The following ATP13A4 variants were observed in gnomAD, a reference collection of about 807,000 sequenced individuals.
The protein encoded by ATP13A4 is probable cation-transporting ATPase 13A4.
ATP13A4 carries 114 observed loss-of-function variants against 142.5 expected under a neutral mutation model. The observed-to-expected ratio is 0.80, with a 90% CI of 0.69 to 0.93. The LOEUF (loss-of-function observed/expected upper bound fraction) is 0.93, where lower values mean the gene tolerates loss of function less well. Among genes scored for constraint, ATP13A4 ranks in the 40% least tolerant of loss-of-function variants. The pLI is 0.00. For synonymous variants in ATP13A4, 488 were observed against 514.8 expected (o/e 0.95, Z 0.70); for missense variants, 1,392 against 1,454.0 (o/e 0.96, Z 0.69).
intron 1 of ATP13A4, among the ~76,000 whole-genome samples, chr3:193,587,422 C>G (rs1167035895): frequency 1.3e-5 from 2 of 152,170 alleles, no homozygotes; most frequent in Admixed American, 6.6e-5. Flanking sequence ...AAATCTCCCT[C>G]TCATAAGAAT....
chr3:193,504,338 G>A (rs911479363), intron 2 of ATP13A4, among the ~76,000 whole-genome samples: 16 of 152,134 alleles, frequency 1.1e-4, no homozygotes, highest in African/African-American at 3.9e-4. Flanking sequence ...CCTTGACACA[G>A]TTCAGCATTA....
At position 193,465,208 on chromosome 3, in the gene ATP13A4, G is replaced by A. The variant is rs1718198853; in HGVS notation, c.1273-80C>T. ...TGACTCTTTGCCTTTTTTTTTTGAG[G>A]CGGAGTTTTGCTCTTGTCGCCCAGG... On this transcript the variant is annotated intron_variant, in intron 11 of 29. Transcript: ENST00000342695. 7 of 1,435,254 alleles carry A rather than the reference G, an allele frequency of 4.9e-6. No homozygotes were observed. The South Asian group carries it at 8.6e-5, about 18-fold the overall frequency. The allele number at this position is 1,435,254 out of a possible 1,614,324, so 88.9% of individuals were successfully genotyped here.
At chr3:193,412,448 T>C (rs1242522417) in intron 26 of ATP13A4, 77 bp from the exon 27 acceptor site, 2 of 1,384,256 alleles carry the variant, frequency 1.4e-6, no homozygotes, top group African/African-American at 1.4e-5. Flanking sequence ...GAAGATTCCA[T>C]ACCAAACAGT....
chr3:193,546,727 CA>C (rs1304783272), intron 1 of ATP13A4, among the ~76,000 whole-genome samples: 1 of 152,174 alleles, frequency 6.6e-6, no homozygotes, highest in Non-Finnish European at 1.5e-5. Context: ...TTAACAAAAA[CA>C]AGAGGCAACA....
intron 1 of ATP13A4, among the ~76,000 whole-genome samples, chr3:193,522,253 C>G (rs767189117): frequency 1.3e-5 from 2 of 152,204 alleles, no homozygotes; most frequent in Non-Finnish European, 2.9e-5. Context: ...ACTTATCCCA[C>G]CTATCAGCTG....
chr3:193,566,318 T>C (rs996606279), intron 2 of ATP13A4, among the ~76,000 whole-genome samples: 2 of 152,162 alleles, frequency 1.3e-5, no homozygotes, highest in African/African-American at 4.8e-5. Context: ...TTAGCCCCTA[T>C]GATAGAACAG....
chr3:193,584,067 C>G (rs974701180), intron 1 of ATP13A4, among the ~76,000 whole-genome samples: 2 of 152,152 alleles, frequency 1.3e-5, no homozygotes, highest in African/African-American at 4.8e-5. Context: ...ACTGGAGCTG[C>G]GTAGTACACA....
intron 17 of ATP13A4, among the ~76,000 whole-genome samples, chr3:193,451,779 G>A (rs1717294534): frequency 6.6e-6 from 1 of 152,134 alleles, no homozygotes; most frequent in Non-Finnish European, 1.5e-5. Flanking sequence ...AATGCTGGAA[G>A]CACCCTGAGT....
chr3:193,584,313 A>C (rs997219111), intron 1 of ATP13A4, among the ~76,000 whole-genome samples: 1 of 152,178 alleles, frequency 6.6e-6, no homozygotes, highest in Non-Finnish European at 1.5e-5. Flanking sequence ...TTGAAGATGG[A>C]AATGAGACAC....
intron 1 of ATP13A4, among the ~76,000 whole-genome samples, chr3:193,589,180 A>ATATATATATGTGTGTGTGTGTG (rs1175256837): frequency 1.3e-5 from 2 of 151,340 alleles, no homozygotes; most frequent in African/African-American, 4.9e-5. Context: ...ATATATATAT[A>ATATATATATGTGTGTGTGTGTG]TGTGTGTGTG....
chr3:193,533,715 C>T (rs1722444550), intron 1 of ATP13A4, among the ~76,000 whole-genome samples: 1 of 152,176 alleles, frequency 6.6e-6, no homozygotes. Context: ...CCTGGTCCCA[C>T]CTAACCAGCA....
intron 2 of ATP13A4, among the ~76,000 whole-genome samples, chr3:193,573,303 A>ATTCT (rs1454825709): frequency 9.1e-5 from 9 of 99,278 alleles, no homozygotes; most frequent in Non-Finnish European, 2.0e-4. Context: ...ATATATATAT[A>ATTCT]TATACATATA....
chr3:193,442,556 C>T lies in ATP13A4; in HGVS notation c.2153G>A (p.Gly718Asp), dbSNP rs766378751. Reference sequence around the variant, plus strand: ...TGTTATTGCAGTCTGAAGATTGTCACCTAGAGGAAAGGAGGAGTATCTCAA... The same window carrying T: ...TGTTATTGCAGTCTGAAGATTGTCATCTAGAGGAAAGGAGGAGTATCTCAA... ...SARIRTVMITGDNLQTAITVA... is the reference protein window; with the variant it reads ...SARIRTVMITDDNLQTAITVA... The change falls in exon 19 of 30, where the codon GGT (glycine) becomes GAT (aspartate). Residue 718 changes from glycine (G) to aspartate (D), a missense_variant and splice_region_variant. Physicochemically the swap from Gly to Asp is moderately conservative, Grantham distance 94 (BLOSUM62 -1). Coordinates refer to ENST00000342695, the MANE Select transcript of ATP13A4 (RefSeq NM_032279.4). The T allele has an allele frequency of 6.2e-7, 1 of 1,613,240 alleles. No individual in the cohort carries two copies. The highest frequency in any genetic ancestry group is 8.5e-7 in the Non-Finnish European group (1 of 1,179,396).
rs117995744 is a variant in ATP13A4 at position 193,542,310 on chromosome 3, A to G, written c.60+12430T>C. On this transcript the variant is annotated intron_variant, in intron 1 of 29. Coordinates refer to ENST00000342695, the MANE Select transcript of ATP13A4 (RefSeq NM_032279.4). ...AAGGAGAATTAGAAAACTCTGCCCA[A>G]GGAAATGAGAGAGGACACAAACAAA... Among the ~76,000 whole-genome samples the G allele has an allele frequency of 1.9e-4, 29 of 152,334 alleles. No homozygotes were observed. The East Asian group carries it at 5.4e-3, about 28-fold the overall frequency.
intron 13 of ATP13A4, among the ~76,000 whole-genome samples, chr3:193,460,511 C>A (rs1033842286): frequency 2.6e-5 from 4 of 152,206 alleles, no homozygotes; most frequent in Non-Finnish European, 5.9e-5. Context: ...TTCATATTGA[C>A]CCTGTTAGTT....
At chr3:193,454,839 C>G (rs2108634164) in intron 16 of ATP13A4, among the ~76,000 whole-genome samples, 1 of 152,174 alleles carries the variant, frequency 6.6e-6, no homozygotes, top group South Asian at 2.1e-4. Flanking sequence ...AAAACAATTG[C>G]AACAAAAGCA....
chr3:193,528,670 CAG>C (rs1722144486), intron 1 of ATP13A4, among the ~76,000 whole-genome samples: 1 of 152,144 alleles, frequency 6.6e-6, no homozygotes, highest in South Asian at 2.1e-4. Context: ...AATGTTATCT[CAG>C]GGGGATTTTT....
At chr3:193,448,173 C>T (rs1305136713) in intron 18 of ATP13A4, 33 bp downstream of exon 18, 6 of 1,612,332 alleles carry the variant, frequency 3.7e-6, no homozygotes, top group East Asian at 2.2e-5. Flanking sequence ...ACATCAAATT[C>T]TTACTGTTTT....
At chr3:193,587,484 T>C (rs1407811082) in intron 1 of ATP13A4, among the ~76,000 whole-genome samples, 1 of 152,192 alleles carries the variant, frequency 6.6e-6, no homozygotes, top group Non-Finnish European at 1.5e-5. Flanking sequence ...AATCTCCCCA[T>C]CTCAATATCC....
Sources: gnomAD v4.1 joint callset for allele counts (sites outside exome capture counted in the v4.1 genomes callset) on GRCh38, gnomAD v4.1.1 for gene constraint, MANE v1.5 for transcripts, NCBI Gene and HGNC (gene_info 2026-07-23, HGNC 2026-07-21) for gene names.